The following UBE2D4 variants were observed in gnomAD, a reference collection of about 807,000 sequenced individuals.
The protein encoded by UBE2D4 is ubiquitin-conjugating enzyme E2 D4.
A neutral mutation model predicts 23.0 loss-of-function variants in UBE2D4; 17 were observed. That is an observed-to-expected ratio of 0.74 (90% CI 0.51 to 1.11). The LOEUF (loss-of-function observed/expected upper bound fraction) is 1.11. Ranked by LOEUF, UBE2D4 falls within the 50% of genes least tolerant of loss-of-function variation. The probability of loss-of-function intolerance (pLI) is 0.00; values close to 1 mark genes in which losing one functional copy is unlikely to be tolerated. For synonymous variants in UBE2D4, 61 were observed against 69.4 expected (o/e 0.88, Z 0.60); for missense variants, 139 against 181.8 (o/e 0.76, Z 1.35).
At chr7:43,928,402 G>A (rs2527785) in intron 1 of UBE2D4, among the ~76,000 whole-genome samples, 8,430 of 150,592 alleles carry the variant, frequency 0.056, 271 homozygotes, top group East Asian at 0.1. Context: ...GGAATTACAG[G>A]ATCTCTGAGA....
intron 1 of UBE2D4, among the ~76,000 whole-genome samples, chr7:43,936,209 G>A (rs1219468941): frequency 1.3e-5 from 2 of 151,940 alleles, no homozygotes; most frequent in African/African-American, 2.4e-5. Context: ...TAAAGTTTAT[G>A]TGCAAAGAAA....
chr7:43,945,920 T>G (rs2528370), intron 4 of UBE2D4, among the ~76,000 whole-genome samples: 66,771 of 151,022 alleles, frequency 0.44, 15,086 homozygotes, highest in East Asian at 0.61. Flanking sequence ...GTAGCTGGGA[T>G]TACAGGCATG....
At chr7:43,934,948 T>C (rs988488040) in intron 1 of UBE2D4, among the ~76,000 whole-genome samples, 3 of 152,144 alleles carry the variant, frequency 2.0e-5, no homozygotes, top group Non-Finnish European at 2.9e-5. Context: ...TGTGGTATTT[T>C]AGGTACTCAA....
chr7:43,931,995 A>G (rs2095946729), intron 1 of UBE2D4, among the ~76,000 whole-genome samples: 1 of 131,376 alleles, frequency 7.6e-6, no homozygotes, highest in Non-Finnish European at 1.6e-5. Context: ...GCCATGACAC[A>G]CTTTTTTTTT....
rs1383487868 is a variant in UBE2D4 at position 43,944,177 on chromosome 7, C to T, written c.198+1146C>T. ...TCAAGTGATTCTCCTGCTTCAGCCTCCTGAGTAGCTGGGACTACAGGCACT... is the reference window on the plus strand; with the variant it reads ...TCAAGTGATTCTCCTGCTTCAGCCTTCTGAGTAGCTGGGACTACAGGCACT... On this transcript the variant is annotated intron_variant, in intron 4 of 6. Transcript: ENST00000222402. The surrounding 1 kb of genome is among the most constrained non-coding windows in gnomAD (Gnocchi z 4.0). 1 of 152,282 alleles carries T rather than the reference C, an allele frequency of 6.6e-6. No homozygotes were observed. Among genetic ancestry groups the T allele is most frequent in the Non-Finnish European group, 1.5e-5 (1 of 68,130 alleles). 9.4% of individuals were successfully genotyped at this position (152,282 alleles called of 1,614,324 possible).
intron 1 of UBE2D4, among the ~76,000 whole-genome samples, chr7:43,927,211 T>C (rs996784565): frequency 1.1e-4 from 16 of 152,228 alleles, no homozygotes; most frequent in African/African-American, 3.9e-4. Context: ...CAGTTTTTTT[T>C]CTATATTTAA....
chr7:43,940,518 C>A (rs1321466370), intron 2 of UBE2D4, among the ~76,000 whole-genome samples: 1 of 152,228 alleles, frequency 6.6e-6, no homozygotes, highest in African/African-American at 2.4e-5. Flanking sequence ...CTAAGAGAGG[C>A]TAGCATCAAG....
At chr7:43,950,555 C>A (rs762009318) in intron 5 of UBE2D4, 44 bp from the exon 6 acceptor site, 1 of 1,530,440 alleles carries the variant, frequency 6.5e-7, no homozygotes, top group Non-Finnish European at 9.0e-7. Flanking sequence ...GGTGACCCAG[C>A]AGCTTCGTGG....
rs1415188728 is a variant in UBE2D4 at position 43,953,465 on chromosome 7, A to C, written c.*770A>C. On this transcript the variant is annotated 3_prime_UTR_variant, in exon 7 of 7. Transcript: ENST00000222402. Reference sequence around the variant, plus strand: ...CACTACCGCCCGCTCCTCCCATAGGAGCCTACACTAAGTCCAAGTGTGAGC... The same window carrying C: ...CACTACCGCCCGCTCCTCCCATAGGCGCCTACACTAAGTCCAAGTGTGAGC... 3 of 316,836 alleles carry C rather than the reference A, an allele frequency of 9.5e-6. No individual in the cohort carries two copies. Among genetic ancestry groups the C allele is most frequent in the African/African-American group, 6.5e-5 (3 of 46,082 alleles). The allele number at this position is 316,836 out of a possible 1,614,324, so 19.6% of individuals were successfully genotyped here.
At position 43,949,861 on chromosome 7, in the gene UBE2D4, A is replaced by AT. The variant is rs531528704; in HGVS notation, c.305-728dup. On this transcript the variant is annotated intron_variant, in intron 5 of 6. Transcript: ENST00000222402. Reference sequence around the variant, plus strand: ...GAAGGACCTGGTTCAGAATTTCTTTATTTTTTTTTTGAGATCGAGTTTTGC... The same window carrying AT: ...GAAGGACCTGGTTCAGAATTTCTTTATTTTTTTTTTTGAGATCGAGTTTTGC... Among the ~76,000 whole-genome samples, 292 of 149,292 alleles carry AT rather than the reference A, an allele frequency of 2.0e-3. 1 individual carries two copies. Among genetic ancestry groups the AT allele is most frequent in the Non-Finnish European group, 3.1e-3 (210 of 67,096 alleles).
At chr7:43,930,481 G>C (rs2095942915) in intron 1 of UBE2D4, among the ~76,000 whole-genome samples, 1 of 152,044 alleles carries the variant, frequency 6.6e-6, no homozygotes. Context: ...TTTGAGACAG[G>C]GTCTTGCTCT....
chr7:43,945,408 T>C lies in UBE2D4; in HGVS notation c.198+2377T>C, dbSNP rs1038185891. On this transcript the variant is annotated intron_variant, in intron 4 of 6. Coordinates refer to ENST00000222402, the MANE Select transcript of UBE2D4 (RefSeq NM_015983.4). ...AGTGACACTCTATGAGAGAAGAAAG[T>C]GCTTCTGTCTTTTAAAAATCTCCTT... Among the ~76,000 whole-genome samples the C allele has an allele frequency of 3.3e-5, 5 of 152,198 alleles. No homozygotes were observed. In the East Asian group the frequency reaches 9.6e-4, roughly 29 times the overall value.
rs2096004725 is a variant in UBE2D4 at position 43,952,381 on chromosome 7, T to C, written c.399-269T>C. On this transcript the variant is annotated intron_variant, in intron 6 of 6. Coordinates refer to ENST00000222402, the MANE Select transcript of UBE2D4 (RefSeq NM_015983.4). The stretch of plus-strand genomic sequence containing the variant: ...AGGAGAAAGAAAGGGAGGAAGTCTG[T>C]TGCATTATTAAATCTTCCACAGCAG... 8.1e-6 allele frequency: 3 copies of C among 370,220 alleles called. No individual in the cohort carries two copies. In the East Asian group the frequency reaches 1.4e-4, roughly 18 times the overall value. 22.9% of individuals were successfully genotyped at this position (370,220 alleles called of 1,614,324 possible). A position where few individuals can be genotyped will look rare whatever the true frequency, so the allele number is the denominator to read the frequency against.
Position 43,952,715 on chromosome 7 carries a change from T to A in UBE2D4, c.*20T>A. ...ATGTAAGTGCCTTGGAGGTTTTACA[T>A]GAGACACTGTCCAAGAGAAGCTGGC... On this transcript the variant is annotated 3_prime_UTR_variant, in exon 7 of 7. Coordinates refer to ENST00000222402, the MANE Select transcript of UBE2D4 (RefSeq NM_015983.4). The A allele has an allele frequency of 3.7e-6, 6 of 1,605,558 alleles. No individual in the cohort carries two copies. The highest frequency in any genetic ancestry group is 5.1e-6 in the Non-Finnish European group (6 of 1,172,286).
At chr7:43,934,204 AT>A (rs942148149) in intron 1 of UBE2D4, among the ~76,000 whole-genome samples, 24 of 147,456 alleles carry the variant, frequency 1.6e-4, no homozygotes, top group Admixed American at 2.0e-4. Context: ...AGACTGGGTC[AT>A]TTTTTTTTTT....
At chr7:43,950,550 C>A in intron 5 of UBE2D4, 49 bp from the exon 6 acceptor site, 1 of 1,496,608 alleles carries the variant, frequency 6.7e-7, no homozygotes, top group Non-Finnish European at 9.3e-7. Context: ...CCAGGGGTGA[C>A]CCAGCAGCTT....
intron 1 of UBE2D4, among the ~76,000 whole-genome samples, chr7:43,933,614 C>G (rs539907892): frequency 7.9e-4 from 120 of 152,138 alleles, no homozygotes; most frequent in African/African-American, 2.8e-3. Flanking sequence ...GTGGTGCGTT[C>G]CTGTAATCAG....
chr7:43,938,422 A>G lies in UBE2D4; in HGVS notation c.25-9A>G, dbSNP rs755747957. The G allele has an allele frequency of 4.3e-6, 7 of 1,613,308 alleles. No individual in the cohort carries two copies. The highest frequency in any genetic ancestry group is 4.0e-5 in the African/African-American group (3 of 74,848). ...TACAGCAGCTCTGACCCACTCTCTCATGTTCTAGGAATTAACCGACTTGCA... is the reference window on the plus strand; with the variant it reads ...TACAGCAGCTCTGACCCACTCTCTCGTGTTCTAGGAATTAACCGACTTGCA... On this transcript the variant is annotated splice_polypyrimidine_tract_variant and intron_variant, in intron 1 of 6. Transcript: ENST00000222402.
At chr7:43,945,864 C>T (rs930143065) in intron 4 of UBE2D4, among the ~76,000 whole-genome samples, 1 of 147,920 alleles carries the variant, frequency 6.8e-6, no homozygotes, top group African/African-American at 2.5e-5. Context: ...CTCACTGCAA[C>T]CTCTGCCTCC....
Sources: gnomAD v4.1 joint callset for allele counts (sites outside exome capture counted in the v4.1 genomes callset) on GRCh38, gnomAD v4.1.1 for gene constraint, Gnocchi (gnomAD v3.1) non-coding constraint, MANE v1.5 for transcripts, NCBI Gene and HGNC (gene_info 2026-07-23, HGNC 2026-07-21) for gene names.